The following ZNF385D variants were observed in gnomAD, a reference collection of about 807,000 sequenced individuals.
The protein encoded by ZNF385D is zinc finger protein 385D.
Under a neutral mutation model 35.8 loss-of-function variants are expected in ZNF385D, and 15 were observed. The ratio of observed to expected loss-of-function variants is 0.42; its 90% CI spans 0.28 to 0.64. The LOEUF is 0.64. ZNF385D is among the 30% of genes least tolerant of loss of function. ZNF385D has a pLI of 0.23. For missense variants in ZNF385D, 474 were observed against 494.6 expected (o/e 0.96, Z 0.39); for synonymous variants, 212 against 186.8 (o/e 1.13, Z -1.10).
chr3:21,923,923 C>G (rs1312643340), intron 3 of ZNF385D, among the ~76,000 whole-genome samples: 4 of 152,122 alleles, frequency 2.6e-5, no homozygotes, highest in Admixed American at 1.3e-4. Context: ...CAAACCTGCA[C>G]GTGTACCTCC....
chr3:21,919,677 A>C (rs1465110228), intron 3 of ZNF385D, among the ~76,000 whole-genome samples: 1 of 152,180 alleles, frequency 6.6e-6, no homozygotes, highest in African/African-American at 2.4e-5. Flanking sequence ...ACTAAATTTA[A>C]CCATATAATT....
intron 3 of ZNF385D, among the ~76,000 whole-genome samples, chr3:22,117,870 G>A (rs902989759): frequency 2.0e-5 from 3 of 151,910 alleles, no homozygotes; most frequent in Non-Finnish European, 2.9e-5. Context: ...ATCATTTAAA[G>A]GATTTGTGGA....
At chr3:21,615,229 C>T (rs1270903114) in intron 2 of ZNF385D, among the ~76,000 whole-genome samples, 2 of 152,014 alleles carry the variant, frequency 1.3e-5, no homozygotes, top group Non-Finnish European at 2.9e-5. Flanking sequence ...GAGTCAGGGA[C>T]CTCCATCCTC....
chr3:21,790,749 G>C (rs2071893593), intron 3 of ZNF385D, among the ~76,000 whole-genome samples: 1 of 152,120 alleles, frequency 6.6e-6, no homozygotes, highest in Admixed American at 6.5e-5. Flanking sequence ...TTTTATGTTT[G>C]ACTTTTCTCT....
Position 21,930,954 on chromosome 3 carries a change from T to G in ZNF385D, c.325+237863A>C, listed in dbSNP as rs1013931830. Among the ~76,000 whole-genome samples, 3 of 152,088 alleles carry G rather than the reference T, an allele frequency of 2.0e-5. No homozygotes were observed. The South Asian group carries it at 6.2e-4, about 31-fold the overall frequency. On this transcript the variant is annotated intron_variant, in intron 3 of 5. Coordinates refer to the ZNF385D transcript ENST00000494108. The stretch of plus-strand genomic sequence containing the variant: ...AAAGCACAATCCATTTAAAAACTTA[T>G]AAATTCAACTTCATCAAAATAAGAA...
intron 3 of ZNF385D, among the ~76,000 whole-genome samples, chr3:21,893,626 G>T (rs1016545287): frequency 1.3e-5 from 2 of 152,122 alleles, no homozygotes; most frequent in Non-Finnish European, 1.5e-5. Context: ...ATCGTTAGAA[G>T]TTCATTTGAA....
chr3:21,831,763 C>A (rs1306928372), intron 3 of ZNF385D, among the ~76,000 whole-genome samples: 1 of 152,072 alleles, frequency 6.6e-6, no homozygotes, highest in Admixed American at 6.6e-5. Flanking sequence ...TTGACTGGGG[C>A]CAGACAACTG....
chr3:21,900,631 G>A (rs1474113012), intron 3 of ZNF385D, among the ~76,000 whole-genome samples: 4 of 152,082 alleles, frequency 2.6e-5, no homozygotes, highest in African/African-American at 4.8e-5. Flanking sequence ...AGAGAAGACA[G>A]ACTATAGTAT....
intron 3 of ZNF385D, among the ~76,000 whole-genome samples, chr3:21,966,455 G>C (rs1702917171): frequency 6.6e-6 from 1 of 152,136 alleles, no homozygotes; most frequent in African/African-American, 2.4e-5. Flanking sequence ...TTCTTGGACT[G>C]GTTTGGATTC....
chr3:22,355,830 A>G (rs749266103), intron 2 of ZNF385D, among the ~76,000 whole-genome samples: 1 of 152,018 alleles, frequency 6.6e-6, no homozygotes, highest in African/African-American at 2.4e-5. Context: ...ATACAACCAT[A>G]TCACAAATTT....
intron 3 of ZNF385D, among the ~76,000 whole-genome samples, chr3:21,894,737 G>A (rs1699044225): frequency 6.6e-6 from 1 of 152,120 alleles, no homozygotes; most frequent in Admixed American, 6.5e-5. Context: ...GTAATGATCA[G>A]CAATGGTTTC....
At chr3:21,980,171 C>A (rs1031426500) in intron 3 of ZNF385D, among the ~76,000 whole-genome samples, 2 of 152,138 alleles carry the variant, frequency 1.3e-5, no homozygotes, top group African/African-American at 2.4e-5. Context: ...CTCTTGCCAA[C>A]AACCAACAGT....
chr3:22,218,155 C>T (rs938728142), intron 2 of ZNF385D, among the ~76,000 whole-genome samples: 1 of 152,062 alleles, frequency 6.6e-6, no homozygotes. Context: ...TTTTTACTTA[C>T]AATTTCATCA....
intron 4 of ZNF385D, among the ~76,000 whole-genome samples, chr3:21,483,739 A>T (rs1463184154): frequency 6.6e-6 from 1 of 152,158 alleles, no homozygotes; most frequent in Non-Finnish European, 1.5e-5. Flanking sequence ...ATGTCTGCTC[A>T]TGGCTTTCGT....
In ZNF385D at chr3:22,053,104, G is replaced by T. The variant is rs1243680895; in HGVS notation, c.325+115713C>A. On this transcript the variant is annotated intron_variant, in intron 3 of 5. Coordinates refer to the ZNF385D transcript ENST00000494108. ...CGGGCGCCCCTCCCCCAGCCTCGTT[G>T]CCGCCTTGCAGTTTGATCTCAGACT... Among the ~76,000 whole-genome samples, 13 of 81,390 alleles carry T rather than the reference G, an allele frequency of 1.6e-4. 2 individuals carry two copies. 53.4% of individuals were successfully genotyped at this position (81,390 alleles called of 152,430 possible).
rs1449114896 is a variant in ZNF385D at position 21,437,706 on chromosome 3, A to AAAAAAAAAAC, written c.440-504_440-503insGTTTTTTTTT. On this transcript the variant is annotated intron_variant, in intron 4 of 7. Transcript: ENST00000281523. ...TCCTTTTGCAAATGCTTATACAAAAAAAAAAAAAAAAAACCGGAACCCTGA... is the reference window on the plus strand; with the variant it reads ...TCCTTTTGCAAATGCTTATACAAAAAAAAAAAAAACAAAAAAAAAAAAACCGGAACCCTGA... 6.0e-4 allele frequency among the ~76,000 whole-genome samples: 87 copies of AAAAAAAAAAC among 144,502 alleles called. 4 individuals are homozygous for AAAAAAAAAAC. In the East Asian group the frequency reaches 6.8e-3, roughly 11 times the overall value. 94.8% of individuals were successfully genotyped at this position (144,502 alleles called of 152,430 possible).
chr3:21,954,626 C>G (rs1446608862), intron 3 of ZNF385D, among the ~76,000 whole-genome samples: 1 of 151,938 alleles, frequency 6.6e-6, no homozygotes, highest in Non-Finnish European at 1.5e-5. Flanking sequence ...TAGTTATATC[C>G]TAACAACTCA....
chr3:21,733,652 CAA>C (rs2069116200), intron 1 of ZNF385D, among the ~76,000 whole-genome samples: 1 of 152,232 alleles, frequency 6.6e-6, no homozygotes, highest in Non-Finnish European at 1.5e-5. Flanking sequence ...GTCCTGATTA[CAA>C]AGACTTTCCA....
intron 2 of ZNF385D, among the ~76,000 whole-genome samples, chr3:22,197,480 T>G (rs1696496388): frequency 1.3e-5 from 2 of 152,112 alleles, no homozygotes; most frequent in Non-Finnish European, 2.9e-5. Flanking sequence ...CTATATTTGA[T>G]TTTGACGTAT....
Sources: allele counts gnomAD v4.1 joint callset (sites outside exome capture counted in the v4.1 genomes callset), GRCh38; gene constraint gnomAD v4.1.1; transcripts MANE v1.5; gene names NCBI Gene and HGNC (gene_info 2026-07-23, HGNC 2026-07-21).